Variants in MTPAP observed in about 807,000 individuals in gnomAD.
The protein encoded by MTPAP is poly(A) RNA polymerase, mitochondrial.
In MTPAP, 23 loss-of-function variants were observed where a neutral mutation model predicts 48.7. The observed-to-expected ratio is 0.47, with a 90% CI of 0.34 to 0.67. MTPAP has a LOEUF of 0.67. Ranked by LOEUF, MTPAP falls within the 30% of genes least tolerant of loss-of-function variation. The pLI is 0.01. For missense variants in MTPAP, 614 were observed against 694.3 expected (o/e 0.88, Z 1.30); for synonymous variants, 257 against 254.1 (o/e 1.01, Z -0.11).
chr10:30,319,424 G>T (rs796961162), intron 6 of MTPAP, among the ~76,000 whole-genome samples: 3 of 152,110 alleles, frequency 2.0e-5, no homozygotes, highest in African/African-American at 7.2e-5. Flanking sequence ...TCAAATGAGA[G>T]GTACAGCTTA....
At chr10:30,331,846 C>T (rs1372223907) in intron 4 of MTPAP, among the ~76,000 whole-genome samples, 1 of 152,218 alleles carries the variant, frequency 6.6e-6, no homozygotes, top group African/African-American at 2.4e-5. Context: ...GGATTACAGG[C>T]GTGAGCCACC....
chr10:30,313,612 T>C lies in MTPAP; in HGVS notation c.1746A>G (p.Thr582=). The C allele has an allele frequency of 1.2e-6, 2 of 1,614,244 alleles. No individual in the cohort carries two copies. The highest frequency in any genetic ancestry group is 1.7e-6 in the Non-Finnish European group (2 of 1,180,024). The change falls in exon 9 of 9, where the codon ACA becomes ACG. Residue 582 remains threonine, a synonymous_variant. Transcript: ENST00000263063. ...TSGKRTISTQ[T] is the part of the protein sequence containing the mutation. ...TCTTTACACAATGTAGCAGCCATCATGTCTGAGTACTAATTGTTCTCTTCC... is the reference window on the plus strand; with the variant it reads ...TCTTTACACAATGTAGCAGCCATCACGTCTGAGTACTAATTGTTCTCTTCC...
At chr10:30,329,910 G>A (rs1834645152) in intron 4 of MTPAP, among the ~76,000 whole-genome samples, 2 of 146,734 alleles carry the variant, frequency 1.4e-5, no homozygotes, top group South Asian at 4.5e-4. Context: ...CTACTAATGG[G>A]GGAAAAAAAA....
intron 4 of MTPAP, among the ~76,000 whole-genome samples, chr10:30,328,063 A>G (rs1001416555): frequency 2.0e-4 from 30 of 152,218 alleles, no homozygotes; most frequent in African/African-American, 6.5e-4. Context: ...ATTCACTACT[A>G]AAGAACAAAG....
chr10:30,347,285 T>C (rs577804262), intron 1 of MTPAP, among the ~76,000 whole-genome samples: 24 of 152,328 alleles, frequency 1.6e-4, no homozygotes, highest in African/African-American at 3.1e-4. Context: ...AAAAATGGAA[T>C]TGACTGATTT....
At chr10:30,332,819 TA>T (rs1038623986) in intron 4 of MTPAP, among the ~76,000 whole-genome samples, 2 of 149,370 alleles carry the variant, frequency 1.3e-5, no homozygotes, top group Non-Finnish European at 3.0e-5. Context: ...AACGAGTCAA[TA>T]AGAAAACAAA....
At chr10:30,330,436 A>G (rs1834651862) in intron 4 of MTPAP, among the ~76,000 whole-genome samples, 1 of 152,206 alleles carries the variant, frequency 6.6e-6, no homozygotes. Flanking sequence ...ATCAGGGAGG[A>G]GTCATGGTGG....
chr10:30,332,315 C>T (rs1365913468), intron 4 of MTPAP, among the ~76,000 whole-genome samples: 3 of 152,240 alleles, frequency 2.0e-5, no homozygotes, highest in Middle Eastern at 3.4e-3. Flanking sequence ...GTATGTATGA[C>T]AGAGTCTTGC....
chr10:30,315,862 GAAAT>G (rs1840655561), intron 8 of MTPAP, 97 bp downstream of exon 8: 1 of 1,255,118 alleles, frequency 8.0e-7, no homozygotes, highest in South Asian at 1.4e-5. Context: ...CTACACAAAA[GAAAT>G]AAATAACATT....
At chr10:30,342,053 T>C (rs186171695) in intron 1 of MTPAP, among the ~76,000 whole-genome samples, 1 of 152,186 alleles carries the variant, frequency 6.6e-6, no homozygotes, top group East Asian at 1.9e-4. Context: ...AGCCTGACCA[T>C]GGTGAAACCT....
At chr10:30,314,253 T>C in intron 8 of MTPAP, among the ~76,000 whole-genome samples, 1 of 151,776 alleles carries the variant, frequency 6.6e-6, no homozygotes, top group East Asian at 1.9e-4. Context: ...AGAGAAGAGG[T>C]ATCTGGACTA....
intron 3 of MTPAP, 58 bp from the exon 4 acceptor site, chr10:30,337,085 T>C (rs562641079): frequency 2.1e-6 from 3 of 1,399,918 alleles, no homozygotes; most frequent in Non-Finnish European, 3.0e-6. Context: ...GCATAAAAAG[T>C]TACCATTTTA....
chr10:30,347,762 G>A (rs964651156), intron 1 of MTPAP, among the ~76,000 whole-genome samples: 1 of 152,060 alleles, frequency 6.6e-6, no homozygotes, highest in Non-Finnish European at 1.5e-5. Context: ...GTGGTGCCAC[G>A]TGCCTGTAAT....
In MTPAP at chr10:30,341,672, C is replaced by A. The variant is rs201327301; in HGVS notation, c.158-32G>T. ...ACGAGACAAAAACATTTCCACCACA[C>A]GCACACACACAAAATTTTAAAAATA... is the stretch of plus-strand genomic sequence containing the variant. On this transcript the variant is annotated intron_variant, in intron 1 of 8. Coordinates refer to ENST00000263063, the MANE Select transcript of MTPAP (RefSeq NM_018109.4). 1.6e-5 allele frequency: 25 copies of A among 1,610,928 alleles called. No homozygotes were observed. In the East Asian group the frequency reaches 3.8e-4, roughly 24 times the overall value.
chr10:30,323,654 C>T (rs56247903), intron 5 of MTPAP, among the ~76,000 whole-genome samples: 32,949 of 151,664 alleles, frequency 0.22, 3,957 homozygotes, highest in East Asian at 0.28. Flanking sequence ...GGACTACAGG[C>T]GCCCACCACC....
At chr10:30,322,707 T>C in intron 5 of MTPAP, 90 bp from the exon 6 acceptor site, 2 of 832,582 alleles carry the variant, frequency 2.4e-6, no homozygotes, top group South Asian at 1.5e-5. Flanking sequence ...CACATCTAAA[T>C]ATCCTACTAT....
chr10:30,338,229 C>T (rs1251023997), intron 3 of MTPAP, among the ~76,000 whole-genome samples: 1 of 152,176 alleles, frequency 6.6e-6, no homozygotes, highest in Non-Finnish European at 1.5e-5. Context: ...CACTGCACTC[C>T]AGCCTGGGCA....
intron 3 of MTPAP, among the ~76,000 whole-genome samples, chr10:30,338,089 C>T (rs1834750066): frequency 6.7e-6 from 1 of 148,736 alleles, no homozygotes; most frequent in Admixed American, 6.7e-5. Context: ...GAAACCCTGA[C>T]TCTACCAAAA....
intron 6 of MTPAP, among the ~76,000 whole-genome samples, chr10:30,320,617 T>C (rs1840712955): frequency 6.6e-6 from 1 of 152,164 alleles, no homozygotes; most frequent in Non-Finnish European, 1.5e-5. Flanking sequence ...AAGAGGGTAA[T>C]ACTATCATAT....
Sources: allele counts gnomAD v4.1 joint callset (sites outside exome capture counted in the v4.1 genomes callset), GRCh38; gene constraint gnomAD v4.1.1; transcripts MANE v1.5; gene names NCBI Gene and HGNC (gene_info 2026-07-23, HGNC 2026-07-21).